VIRMA: variants seen among roughly 807,000 people sequenced by gnomAD.
VIRMA encodes protein virilizer homolog.
Under a neutral mutation model 182.4 loss-of-function variants are expected in VIRMA, and 65 were observed. The observed-to-expected ratio is 0.36, with a 90% CI of 0.29 to 0.44. The LOEUF (loss-of-function observed/expected upper bound fraction) is 0.44, where lower values mean the gene tolerates loss of function less well. Among genes scored for constraint, VIRMA ranks in the 20% least tolerant of loss-of-function variants. The pLI is 1.00. For missense variants in VIRMA, 1,752 were observed against 2,158.1 expected, an observed-to-expected ratio of 0.81 and a Z score of 3.73; for synonymous variants, 709 against 743.1, an observed-to-expected ratio of 0.95 and a Z score of 0.75.
In VIRMA at chr8:94,494,958, TG is replaced by T; in HGVS notation, c.4545-3del. The T allele has an allele frequency of 6.3e-7, 1 of 1,584,152 alleles. No homozygotes were observed. The highest frequency in any genetic ancestry group is 8.6e-7 in the Non-Finnish European group (1 of 1,158,380). On this transcript the variant is annotated splice_polypyrimidine_tract_variant and splice_region_variant and intron_variant, in intron 19 of 23. Transcript: ENST00000297591. ...ACATCAGCAAGCACATAGGCAGTCCTGGAACAAGAAAAGTATCTGGTGAAAA... is the reference window on the plus strand; with the variant it reads ...ACATCAGCAAGCACATAGGCAGTCCTGAACAAGAAAAGTATCTGGTGAAAA...
chr8:94,519,303 A>T lies in VIRMA; in HGVS notation c.2195T>A (p.Ile732Asn). 2 of 1,613,384 alleles carry T rather than the reference A, an allele frequency of 1.2e-6. No individual in the cohort carries two copies. Among genetic ancestry groups the T allele is most frequent in the Non-Finnish European group, 1.7e-6 (2 of 1,179,852 alleles). The change falls in exon 9 of 24, where the codon ATC (isoleucine) becomes AAC (asparagine). Residue 732 changes from isoleucine (I) to asparagine (N), a missense_variant. Ile to Asn is a moderately radical substitution (Grantham distance 149). Around this residue, in one of 11 missense-constraint regions of VIRMA, gnomAD observed 45 missense variants for 91.0 expected, o/e 0.49. Coordinates refer to ENST00000297591, the MANE Select transcript of VIRMA (RefSeq NM_015496.5). The stretch of plus-strand genomic sequence containing the variant: ...ATCATAAAAGTGACACAGAGCTCGG[A>T]TCAATAAATTTGTTGCTTCATATTC... The part of the protein sequence containing the change: ...MSEYEATNLL[I>N]RALCHFYDQD...
intron 20 of VIRMA, among the ~76,000 whole-genome samples, chr8:94,493,414 TAACA>T (rs1384517092): frequency 1.3e-5 from 2 of 152,246 alleles, no homozygotes; most frequent in African/African-American, 4.8e-5. Flanking sequence ...TAGTAACTTT[TAACA>T]AATATTTTAT....
chr8:94,513,075 T>C (rs1436121462), intron 11 of VIRMA, among the ~76,000 whole-genome samples: 1 of 152,224 alleles, frequency 6.6e-6, no homozygotes, highest in Non-Finnish European at 1.5e-5. Flanking sequence ...TGGTGGCTCA[T>C]GCCTGTAATC....
At chr8:94,493,060 C>G (rs1813657485) in intron 20 of VIRMA, among the ~76,000 whole-genome samples, 1 of 152,122 alleles carries the variant, frequency 6.6e-6, no homozygotes, top group Non-Finnish European at 1.5e-5. Flanking sequence ...GGCTATTAAT[C>G]TAGGAGAACT....
At chr8:94,540,356 A>T (rs3102866) in intron 2 of VIRMA, among the ~76,000 whole-genome samples, 18,271 of 152,172 alleles carry the variant, frequency 0.12, 1,599 homozygotes, top group African/African-American at 0.24. Context: ...AACACTAAAA[A>T]GTAACAGCAA....
Position 94,494,967 on chromosome 8 carries a change from A to G in VIRMA, c.4545-11T>C. On this transcript the variant is annotated splice_polypyrimidine_tract_variant and intron_variant, in intron 19 of 23. Coordinates refer to ENST00000297591, the MANE Select transcript of VIRMA (RefSeq NM_015496.5). ...AGCACATAGGCAGTCCTGGAACAAG[A>G]AAAGTATCTGGTGAAAAGCAGAATT... is the stretch of plus-strand genomic sequence containing the variant. 1.3e-6 allele frequency: 2 copies of G among 1,547,894 alleles called. No individual in the cohort carries two copies. The highest frequency in any genetic ancestry group is 1.4e-5 in the African/African-American group (1 of 73,272).
intron 1 of VIRMA, among the ~76,000 whole-genome samples, chr8:94,545,886 G>C (rs1409603283): frequency 6.6e-6 from 1 of 151,970 alleles, no homozygotes; most frequent in Admixed American, 6.6e-5. Flanking sequence ...GGAAGATCCT[G>C]TGTCTACAAA....
intron 19 of VIRMA, among the ~76,000 whole-genome samples, chr8:94,495,365 T>C (rs966198459): frequency 3.3e-5 from 5 of 152,064 alleles, no homozygotes; most frequent in African/African-American, 9.7e-5. Flanking sequence ...CTTTCTAAAG[T>C]ATTATTAAAA....
Position 94,527,080 on chromosome 8 carries a change from G to A in VIRMA, c.1164C>T (p.Leu388=). Residue 388 remains leucine, a synonymous_variant, in exon 8 of 24, where the codon CTC becomes CTT. Transcript: ENST00000297591. Reference sequence around the variant, plus strand: ...CTCTATCTTCTCTATACAAATCTAAGAGTTCTGTTAACTTCACTGAGGCTT... The same window carrying A: ...CTCTATCTTCTCTATACAAATCTAAAAGTTCTGTTAACTTCACTGAGGCTT... ...AIEASVKLTE[L]LDLYREDRGA... The A allele has an allele frequency of 6.2e-7, 1 of 1,614,116 alleles. No individual in the cohort carries two copies. Among genetic ancestry groups the A allele is most frequent in the Non-Finnish European group, 8.5e-7 (1 of 1,180,018 alleles).
chr8:94,490,874 C>G (rs1431478492), intron 22 of VIRMA, among the ~76,000 whole-genome samples: 1 of 151,654 alleles, frequency 6.6e-6, no homozygotes, highest in Non-Finnish European at 1.5e-5. Context: ...GTAACAATTT[C>G]AAACAGACTA....
rs1414498801 is a variant in VIRMA, at chr8:94,511,377, A to G, written c.3198T>C (p.Asp1066=). The change falls in exon 13 of 24, where the codon GAT becomes GAC. Residue 1066 remains aspartate (D), a synonymous_variant. Transcript: ENST00000297591. ...DEQKIQNDII[D]ILLTFTQGVN... is the part of the protein sequence containing the mutation. Reference sequence around the variant, plus strand: ...CTCCTTGTGTAAAAGTCAGTAAAATATCAATGATATCATTCTGAATTTTCT... The same window carrying G: ...CTCCTTGTGTAAAAGTCAGTAAAATGTCAATGATATCATTCTGAATTTTCT... The G allele has an allele frequency of 6.2e-7, 1 of 1,613,990 alleles. No individual in the cohort carries two copies. The highest frequency in any genetic ancestry group is 1.7e-5 in the Admixed American group (1 of 59,996).
Position 94,517,949 on chromosome 8 carries a change from C to T in VIRMA, c.2514-7G>A, listed in dbSNP as rs1814618236. The T allele has an allele frequency of 6.3e-7, 1 of 1,596,168 alleles. No homozygotes were observed. Among genetic ancestry groups the T allele is most frequent in the African/African-American group, 1.4e-5 (1 of 73,966 alleles). The stretch of plus-strand genomic sequence containing the variant: ...CTTCTTAGATTTGGAATCACTGAAA[C>T]AAAATAAGGTTTTTAAGTTTTGGAT... On this transcript the variant is annotated splice_polypyrimidine_tract_variant and splice_region_variant and intron_variant, in intron 9 of 23. Transcript: ENST00000297591.
chr8:94,540,426 T>G (rs968565921), intron 2 of VIRMA, among the ~76,000 whole-genome samples: 4 of 151,738 alleles, frequency 2.6e-5, no homozygotes, highest in South Asian at 2.1e-4. Context: ...AACTCTAGTC[T>G]CTTCCTCTTG....
intron 16 of VIRMA, among the ~76,000 whole-genome samples, chr8:94,503,568 G>C (rs903911115): frequency 6.6e-6 from 1 of 152,176 alleles, no homozygotes. Context: ...TGCAATGTAA[G>C]ATCTTACATT....
intron 1 of VIRMA, among the ~76,000 whole-genome samples, chr8:94,552,646 G>C (rs1233722838): frequency 1.3e-5 from 2 of 152,022 alleles, no homozygotes; most frequent in East Asian, 1.9e-4. Context: ...TAGTTAACCA[G>C]CTATGTTTAA....
At chr8:94,531,777 C>CA (rs1815183137) in intron 5 of VIRMA, among the ~76,000 whole-genome samples, 1 of 152,118 alleles carries the variant, frequency 6.6e-6, no homozygotes, top group African/African-American at 2.4e-5. Flanking sequence ...AGCCAAAAAA[C>CA]AGAGACTACC....
intron 8 of VIRMA, among the ~76,000 whole-genome samples, chr8:94,522,506 A>G (rs1266984989): frequency 6.6e-6 from 1 of 152,164 alleles, no homozygotes. Flanking sequence ...CAAACCCTCC[A>G]AAGTACAATT....
At chr8:94,549,029 C>T (rs1299817255) in intron 1 of VIRMA, among the ~76,000 whole-genome samples, 2 of 152,206 alleles carry the variant, frequency 1.3e-5, no homozygotes, top group Admixed American at 1.3e-4. Context: ...GCTGGGGCTA[C>T]AGGCACACAT....
intron 22 of VIRMA, among the ~76,000 whole-genome samples, 169 bp downstream of exon 22, chr8:94,491,409 T>C (rs1202829834): frequency 6.6e-6 from 1 of 152,156 alleles, no homozygotes. Context: ...AAAGTTTCTT[T>C]CTTCTATCCA....
Sources: allele counts gnomAD v4.1 joint callset (sites outside exome capture counted in the v4.1 genomes callset), GRCh38; gene constraint gnomAD v4.1.1; regional missense constraint gnomAD v4.1.1; transcripts MANE v1.5; gene names NCBI Gene and HGNC (gene_info 2026-07-23, HGNC 2026-07-21).